The following NEK1 variants were observed in gnomAD, a reference collection of about 807,000 sequenced individuals.
NEK1 encodes NIMA related kinase 1, also known as serine/threonine-protein kinase Nek1.
In NEK1, 137 loss-of-function variants were observed where a neutral mutation model predicts 182.1. The observed-to-expected ratio is 0.75, with a 90% CI of 0.65 to 0.87. The LOEUF is 0.87. Among genes scored for constraint, NEK1 ranks in the 40% least tolerant of loss-of-function variants. NEK1 has a pLI of 0.00. For synonymous variants in NEK1, 513 were observed against 492.2 expected, an observed-to-expected ratio of 1.04 and a Z score of -0.56; for missense variants, 1,391 against 1,494.4, an observed-to-expected ratio of 0.93 and a Z score of 1.14.
At chr4:169,422,243 A>C (rs966882407) in intron 31 of NEK1, among the ~76,000 whole-genome samples, 5 of 152,212 alleles carry the variant, frequency 3.3e-5, no homozygotes, top group African/African-American at 1.2e-4. Flanking sequence ...AACTGCAATG[A>C]GACTGCAACA....
At position 169,406,739 on chromosome 4, in the gene NEK1, C is replaced by A; in HGVS notation, c.3231G>T (p.Arg1077Ser). The A allele has an allele frequency of 6.4e-7, 1 of 1,573,152 alleles. No individual in the cohort carries two copies. Among genetic ancestry groups the A allele is most frequent in the Non-Finnish European group, 8.6e-7 (1 of 1,166,508 alleles). Reference sequence around the variant, plus strand: ...TTGAGAGATCTGGAAGTGAACATGTCCTTAACATCTAAAATAAAAATCAAC... The same window carrying A: ...TTGAGAGATCTGGAAGTGAACATGTACTTAACATCTAAAATAAAAATCAAC... ...LFDANNPKML[R>S]TCSLPDLSKL... The change falls in exon 32 of 36, where the codon AGG becomes AGT. Residue 1077 changes from arginine to serine, a missense_variant. Coordinates refer to ENST00000507142, the MANE Select transcript of NEK1 (RefSeq NM_001199397.3).
At chr4:169,509,169 C>A (rs913088982) in intron 19 of NEK1, among the ~76,000 whole-genome samples, 1 of 152,022 alleles carries the variant, frequency 6.6e-6, no homozygotes, top group East Asian at 1.9e-4. Context: ...GGAGGTTAAA[C>A]CCCAAACCAA....
chr4:169,555,148 T>C (rs745738098), intron 18 of NEK1: 7 of 154,244 alleles, frequency 4.5e-5, no homozygotes, highest in Non-Finnish European at 1.0e-4. Context: ...TTATAATGTG[T>C]ATATAAACGT....
chr4:169,588,544 CATGT>C (rs1389506816), intron 8 of NEK1, 101 bp downstream of exon 8: 7 of 637,576 alleles, frequency 1.1e-5, no homozygotes, highest in African/African-American at 5.5e-5. Flanking sequence ...TATGTGTTTA[CATGT>C]ATGTATTATT....
chr4:169,583,761 C>T (rs1767069500), intron 10 of NEK1, among the ~76,000 whole-genome samples: 1 of 152,190 alleles, frequency 6.6e-6, no homozygotes, highest in African/African-American at 2.4e-5. Context: ...TTATTTATAA[C>T]AAAGGAGTCT....
chr4:169,464,963 T>C (rs1744644220), intron 26 of NEK1, among the ~76,000 whole-genome samples: 1 of 152,042 alleles, frequency 6.6e-6, no homozygotes, highest in South Asian at 2.1e-4. Context: ...TATTTGGTAA[T>C]AATATATGAA....
At chr4:169,452,081 G>A (rs1050280614) in intron 27 of NEK1, among the ~76,000 whole-genome samples, 2 of 152,052 alleles carry the variant, frequency 1.3e-5, no homozygotes, top group African/African-American at 4.8e-5. Flanking sequence ...TTACTACCTG[G>A]AGACTTTAAC....
chr4:169,521,537 A>G (rs180699397), intron 19 of NEK1, among the ~76,000 whole-genome samples: 55 of 152,266 alleles, frequency 3.6e-4, no homozygotes, highest in African/African-American at 1.3e-3. Flanking sequence ...TCCCCCTGCA[A>G]TAACTTCTTA....
In NEK1 at chr4:169,478,686, A is replaced by C. The variant is rs554740471; in HGVS notation, c.2139+717T>G. ...GAAACTAAACAAATAAAAAGCACAG[A>C]CATCCATTACCAGGAAAGGGGAAAA... On this transcript the variant is annotated intron_variant, in intron 24 of 35. Coordinates refer to ENST00000507142, the MANE Select transcript of NEK1 (RefSeq NM_001199397.3). 2.0e-5 allele frequency among the ~76,000 whole-genome samples: 3 copies of C among 152,256 alleles called. No homozygotes were observed. In the South Asian group the frequency reaches 6.2e-4, roughly 32 times the overall value.
chr4:169,397,298 C>G (rs1372120485), intron 35 of NEK1, among the ~76,000 whole-genome samples: 1 of 151,940 alleles, frequency 6.6e-6, no homozygotes, highest in African/African-American at 2.4e-5. Flanking sequence ...CTACTGACTT[C>G]CAATAAGAAG....
intron 27 of NEK1, among the ~76,000 whole-genome samples, chr4:169,443,437 T>C (rs1473752167): frequency 7.6e-6 from 1 of 130,828 alleles, no homozygotes; most frequent in Non-Finnish European, 1.6e-5. Context: ...AAAAAAGAGT[T>C]TCTGAATGAA....
intron 10 of NEK1, 68 bp from the exon 11 acceptor site, chr4:169,580,970 T>C: frequency 1.3e-6 from 1 of 766,496 alleles, no homozygotes; most frequent in Non-Finnish European, 2.1e-6. Context: ...TACCCATTAA[T>C]TATAATACAT....
chr4:169,605,112 T>C (rs1036876893), intron 2 of NEK1, among the ~76,000 whole-genome samples: 4 of 152,218 alleles, frequency 2.6e-5, no homozygotes, highest in African/African-American at 7.2e-5. Flanking sequence ...ATAATGAGAT[T>C]ACTTCACAAT....
At chr4:169,462,144 C>T in intron 27 of NEK1, among the ~76,000 whole-genome samples, 1 of 145,862 alleles carries the variant, frequency 6.9e-6, no homozygotes, top group East Asian at 2.0e-4. Flanking sequence ...TTTTAGACTA[C>T]AAAAAAAATC....
At chr4:169,409,155 C>CT (rs1365338777) in intron 31 of NEK1, among the ~76,000 whole-genome samples, 1 of 151,422 alleles carries the variant, frequency 6.6e-6, no homozygotes, top group Non-Finnish European at 1.5e-5. Context: ...TATTGTTTTT[C>CT]TTTTTTTTGA....
Position 169,591,144 on chromosome 4 carries a change from GC to G in NEK1, c.313-336del, listed in dbSNP as rs553204329. 1.7e-3 allele frequency among the ~76,000 whole-genome samples: 228 copies of G among 134,574 alleles called. 2 individuals carry two copies. Among genetic ancestry groups the G allele is most frequent in the East Asian group, 4.2e-3 (20 of 4,816 alleles). The allele number at this position is 134,574 out of a possible 152,430, so 88.3% of individuals were successfully genotyped here. A position where few individuals can be genotyped will look rare whatever the true frequency, so the allele number is the denominator to read the frequency against. On this transcript the variant is annotated intron_variant, in intron 5 of 35. Transcript: ENST00000507142. ...TTTTAATACATCTTTTTTCTATAACGCCCCCCCCCCACTTCTTTAGGGATAG... is the reference window on the plus strand; with the variant it reads ...TTTTAATACATCTTTTTTCTATAACGCCCCCCCCCACTTCTTTAGGGATAG...
At chr4:169,494,459 G>A (rs963111017) in intron 23 of NEK1, among the ~76,000 whole-genome samples, 3 of 152,096 alleles carry the variant, frequency 2.0e-5, no homozygotes, top group Non-Finnish European at 2.9e-5. Context: ...AGTATTCCAT[G>A]GTGTATATGT....
At chr4:169,551,564 G>C (rs189565400) in intron 18 of NEK1, among the ~76,000 whole-genome samples, 25 of 152,140 alleles carry the variant, frequency 1.6e-4, no homozygotes, top group Admixed American at 1.5e-3. Flanking sequence ...AAATATGTAT[G>C]GTAAGAACAC....
At chr4:169,508,136 T>C in intron 21 of NEK1, 112 bp downstream of exon 21, 1 of 891,566 alleles carries the variant, frequency 1.1e-6, no homozygotes. Context: ...GAACTTCCAC[T>C]GTCGTCATCA....
Sources: allele counts gnomAD v4.1 joint callset (sites outside exome capture counted in the v4.1 genomes callset), GRCh38; gene constraint gnomAD v4.1.1; transcripts MANE v1.5; gene names NCBI Gene and HGNC (gene_info 2026-07-23, HGNC 2026-07-21).